SYT5: variants seen among roughly 807,000 people sequenced by gnomAD.
SYT5 encodes the protein synaptotagmin-5.
Under a neutral mutation model 36.0 loss-of-function variants are expected in SYT5, and 29 were observed. The observed-to-expected ratio is 0.81, with a 90% CI of 0.60 to 1.10. The LOEUF (loss-of-function observed/expected upper bound fraction) is 1.10. Among genes scored for constraint, SYT5 ranks in the 50% least tolerant of loss-of-function variants. SYT5 has a pLI of 0.00. For missense variants in SYT5, 512 were observed against 516.0 expected, an observed-to-expected ratio of 0.99 and a Z score of 0.08; for synonymous variants, 231 against 227.6, an observed-to-expected ratio of 1.02 and a Z score of -0.14.
Position 55,175,078 on chromosome 19 carries a change from A to T in SYT5, c.709-79T>A. 1.3e-6 allele frequency: 2 copies of T among 1,595,306 alleles called. No individual in the cohort carries two copies. Among genetic ancestry groups the T allele is most frequent in the Non-Finnish European group, 1.7e-6 (2 of 1,173,346 alleles). Reference sequence around the variant, plus strand: ...CAGGGGTACAATCCACGCCGCCCTGAGGGTCTGGAAAGCCTATGATCTGAT... The same window carrying T: ...CAGGGGTACAATCCACGCCGCCCTGTGGGTCTGGAAAGCCTATGATCTGAT... On this transcript the variant is annotated intron_variant, in intron 6 of 8. Coordinates refer to ENST00000354308, the MANE Select transcript of SYT5 (RefSeq NM_003180.3). The surrounding 1 kb of genome is among the most constrained non-coding windows in gnomAD (Gnocchi z 4.5).
At position 55,174,910 on chromosome 19, in the gene SYT5, C is replaced by T. The variant is rs1358441339; in HGVS notation, c.798G>A (p.Leu266=). ...LTVIVLEAKN[L]KKMDVGGLSD... is the part of the protein sequence containing the mutation. The stretch of plus-strand genomic sequence containing the variant: ...ACAGTCCTCCTACGTCCATCTTCTT[C>T]AGGTTTTTAGCCTCCAGGACGATGA... The change falls in exon 7 of 9, where the codon CTG becomes CTA. Residue 266 remains leucine (L), a synonymous_variant. Coordinates refer to ENST00000354308, the MANE Select transcript of SYT5 (RefSeq NM_003180.3). 2 of 1,614,056 alleles carry T rather than the reference C, an allele frequency of 1.2e-6. No individual in the cohort carries two copies. The highest frequency in any genetic ancestry group is 2.2e-5 in the East Asian group (1 of 44,882).
chr19:55,176,247 G>T, intron 3 of SYT5, 123 bp from the exon 4 acceptor site: 1 of 1,354,860 alleles, frequency 7.4e-7, no homozygotes, highest in Non-Finnish European at 1.0e-6. Context: ...AGGCTAAGCA[G>T]ATTCAGTATT....
At chr19:55,174,852 A>G (rs773741104) in intron 7 of SYT5, 30 bp downstream of exon 7, 7 of 1,605,750 alleles carry the variant, frequency 4.4e-6, no homozygotes, top group Non-Finnish European at 6.0e-6. Context: ...CGCCATCCCC[A>G]CACACCCCAC....
chr19:55,173,915 C>T lies in SYT5; in HGVS notation c.961-231G>A, dbSNP rs2086035369. Reference sequence around the variant, plus strand: ...AGCCAGGTTTCTAAGGAAATGAACCCTCAGGACTCGGTTGCGGAGCGGGTG... The same window carrying T: ...AGCCAGGTTTCTAAGGAAATGAACCTTCAGGACTCGGTTGCGGAGCGGGTG... On this transcript the variant is annotated intron_variant, in intron 8 of 8. Coordinates refer to ENST00000354308, the MANE Select transcript of SYT5 (RefSeq NM_003180.3). This position sits in a 1 kb window ranked among gnomAD's most constrained non-coding sequence, Gnocchi z 5.4. 1 of 427,196 alleles carries T rather than the reference C, an allele frequency of 2.3e-6. No individual in the cohort carries two copies. The allele number at this position is 427,196 out of a possible 1,614,324, so 26.5% of individuals were successfully genotyped here. A position where few individuals can be genotyped will look rare whatever the true frequency, so the allele number is the denominator to read the frequency against.
intron 3 of SYT5, among the ~76,000 whole-genome samples, chr19:55,177,892 AC>A (rs1338302335): frequency 6.6e-6 from 1 of 152,194 alleles, no homozygotes; most frequent in African/African-American, 2.4e-5. Context: ...AGGTTTCTAT[AC>A]AGTGGGATGC....
intron 8 of SYT5, 103 bp downstream of exon 8, chr19:55,174,414 C>A: frequency 7.0e-7 from 1 of 1,430,720 alleles, no homozygotes; most frequent in Non-Finnish European, 9.4e-7. Context: ...AACCTCAGAC[C>A]CCCTCACCTG....
intron 3 of SYT5, among the ~76,000 whole-genome samples, chr19:55,176,613 T>C (rs1313099950): frequency 6.6e-6 from 1 of 152,248 alleles, no homozygotes; most frequent in Non-Finnish European, 1.5e-5. Context: ...TAAAATTCAA[T>C]GTGAACCTGA....
intron 3 of SYT5, 49 bp downstream of exon 3, chr19:55,178,147 G>T: frequency 6.3e-7 from 1 of 1,580,328 alleles, no homozygotes; most frequent in East Asian, 2.3e-5. Context: ...CCATTGAGAG[G>T]AGCAGGGTGC....
In SYT5 at chr19:55,179,291, C is replaced by T. The variant is rs201354851; in HGVS notation, c.-45-205G>A. 3.6e-4 allele frequency: 488 copies of T among 1,354,678 alleles called. 5 individuals are homozygous for T. The East Asian group carries it at 0.011, about 30-fold the overall frequency. 83.9% of individuals were successfully genotyped at this position (1,354,678 alleles called of 1,614,324 possible). ...ATCCTAAAGGGATACCCTCTTCCTC[C>T]ACGGCCCCACAGGCATCCCGCTGAC... On this transcript the variant is annotated intron_variant, in intron 1 of 8. Coordinates refer to ENST00000354308, the MANE Select transcript of SYT5 (RefSeq NM_003180.3). This position sits in a 1 kb window ranked among gnomAD's most constrained non-coding sequence, Gnocchi z 4.5.
chr19:55,178,457 G>A, intron 2 of SYT5, 89 bp from the exon 3 acceptor site: 4 of 1,403,182 alleles, frequency 2.9e-6, no homozygotes, highest in Non-Finnish European at 3.8e-6. Flanking sequence ...TGGAATGCTG[G>A]CCTCCTTTTC....
chr19:55,174,724 A>C (rs1416755381), intron 7 of SYT5, 74 bp from the exon 8 acceptor site: 1 of 1,604,432 alleles, frequency 6.2e-7, no homozygotes, highest in African/African-American at 1.3e-5. Context: ...CACTGCCTAC[A>C]CCCTTCGGGT....
At position 55,173,424 on chromosome 19, in the gene SYT5, T is replaced by C; in HGVS notation, c.*60A>G. 1 of 1,295,870 alleles carries C rather than the reference T, an allele frequency of 7.7e-7. No individual in the cohort carries two copies. The highest frequency in any genetic ancestry group is 9.8e-7 in the Non-Finnish European group (1 of 1,019,016). The allele number at this position is 1,295,870 out of a possible 1,614,324, so 80.3% of individuals were successfully genotyped here. Reference sequence around the variant, plus strand: ...GTGGGGCTGGCTTGGCTTTGGCCGGTCTCGGGAGTCTGGGGTCAGGGGCTA... The same window carrying C: ...GTGGGGCTGGCTTGGCTTTGGCCGGCCTCGGGAGTCTGGGGTCAGGGGCTA... On this transcript the variant is annotated 3_prime_UTR_variant, in exon 9 of 9. Transcript: ENST00000354308. The surrounding 1 kb of genome is among the most constrained non-coding windows in gnomAD (Gnocchi z 5.4).
chr19:55,174,435 A>G (rs891513869), intron 8 of SYT5, 82 bp downstream of exon 8: 2 of 1,540,720 alleles, frequency 1.3e-6, no homozygotes, highest in East Asian at 2.3e-5. Flanking sequence ...GTTTCTAGGG[A>G]GATGCTAAAA....
Position 55,175,225 on chromosome 19 carries a change from G to C in SYT5, c.655C>G (p.Leu219Val). The C allele has an allele frequency of 6.2e-7, 1 of 1,611,382 alleles. No homozygotes were observed. Among genetic ancestry groups the C allele is most frequent in the South Asian group, 1.1e-5 (1 of 90,740 alleles). Reference sequence around the variant, plus strand: ...CGCCAGGCCTGCACTGGCCGCCCCAGGTCCACGGAGCTCATAGGGACCCGC... The same window carrying C: ...CGCCAGGCCTGCACTGGCCGCCCCACGTCCACGGAGCTCATAGGGACCCGC... ...EVRVPMSSVD[L>V]GRPVQAWREL... Residue 219 changes from leucine (L) to valine (V), a missense_variant, in exon 6 of 9, where the codon CTG becomes GTG. Physicochemically the swap from Leu to Val is conservative, Grantham distance 32 (BLOSUM62 1). Transcript: ENST00000354308. The surrounding 1 kb of genome is among the most constrained non-coding windows in gnomAD (Gnocchi z 4.5).
Position 55,179,092 on chromosome 19 carries a change from C to A in SYT5, c.-45-6G>T. ...TGCAGAGACACTCAAGCACCCTAGT[C>A]CCCCATTCCCACCCCAGACGTCCTT... On this transcript the variant is annotated splice_polypyrimidine_tract_variant and splice_region_variant and intron_variant, in intron 1 of 8. Coordinates refer to ENST00000354308, the MANE Select transcript of SYT5 (RefSeq NM_003180.3). The surrounding 1 kb of genome is among the most constrained non-coding windows in gnomAD (Gnocchi z 4.5). 1.3e-6 allele frequency: 2 copies of A among 1,565,172 alleles called. No homozygotes were observed. The highest frequency in any genetic ancestry group is 1.7e-6 in the Non-Finnish European group (2 of 1,157,290).
At position 55,179,092 on chromosome 19, in the gene SYT5, C is replaced by T. The variant is rs1396928028; in HGVS notation, c.-45-6G>A. 9.6e-6 allele frequency: 15 copies of T among 1,565,052 alleles called. No homozygotes were observed. In the South Asian group the frequency reaches 1.8e-4, roughly 18 times the overall value. On this transcript the variant is annotated splice_polypyrimidine_tract_variant and splice_region_variant and intron_variant, in intron 1 of 8. Coordinates refer to ENST00000354308, the MANE Select transcript of SYT5 (RefSeq NM_003180.3). The surrounding 1 kb of genome is among the most constrained non-coding windows in gnomAD (Gnocchi z 4.5). The stretch of plus-strand genomic sequence containing the variant: ...TGCAGAGACACTCAAGCACCCTAGT[C>T]CCCCATTCCCACCCCAGACGTCCTT...
Position 55,176,028 on chromosome 19 carries a change from C to A in SYT5, c.349G>T (p.Asp117Tyr). The A allele has an allele frequency of 6.2e-7, 1 of 1,614,140 alleles. No homozygotes were observed. Among genetic ancestry groups the A allele is most frequent in the South Asian group, 1.1e-5 (1 of 91,090 alleles). ...HELGRLQYSLDYDFQSGQLLV... is the reference protein window; with the variant it reads ...HELGRLQYSLYYDFQSGQLLV... ...ACCTGGCCACTCTGGAAGTCATAAT[C>A]CAGGGAGTACTGCAGTCGTCCTAGC... Residue 117 changes from aspartate (D) to tyrosine (Y), a missense_variant, in exon 4 of 9, where the codon GAT (aspartate) becomes TAT (tyrosine). By Grantham distance (160) the Asp-to-Tyr change is radical. Transcript: ENST00000354308.
Position 55,173,992 on chromosome 19 carries a change from A to G in SYT5, c.961-308T>C. ...CTCCTAAGAGCCGCAAAGCTGCAGA[A>G]CTTTAACAGGGGCCGGGCTAGGGTA... On this transcript the variant is annotated intron_variant, in intron 8 of 8. Coordinates refer to ENST00000354308, the MANE Select transcript of SYT5 (RefSeq NM_003180.3). This position sits in a 1 kb window ranked among gnomAD's most constrained non-coding sequence, Gnocchi z 5.4. 2.9e-6 allele frequency: 1 copy of G among 346,312 alleles called. No individual in the cohort carries two copies. The highest frequency in any genetic ancestry group is 5.2e-6 in the Non-Finnish European group (1 of 193,366). The allele number at this position is 346,312 out of a possible 1,614,324, so 21.5% of individuals were successfully genotyped here. A position where few individuals can be genotyped will look rare whatever the true frequency, so the allele number is the denominator to read the frequency against.
intron 8 of SYT5, among the ~76,000 whole-genome samples, chr19:55,174,252 C>T (rs907628359): frequency 1.1e-5 from 1 of 93,236 alleles, no homozygotes; most frequent in African/African-American, 6.3e-5. Flanking sequence ...CATACTGATC[C>T]TGCTTAGGGT....
Sources: gnomAD v4.1 joint callset for allele counts (sites outside exome capture counted in the v4.1 genomes callset) on GRCh38, gnomAD v4.1.1 for gene constraint, Gnocchi (gnomAD v3.1) non-coding constraint, MANE v1.5 for transcripts, NCBI Gene and HGNC (gene_info 2026-07-23, HGNC 2026-07-21) for gene names.